Variants in SUPT3H observed in about 807,000 individuals in gnomAD.
The protein encoded by SUPT3H is SPT3 homolog, SAGA and STAGA complex component.
Under a neutral mutation model 44.3 loss-of-function variants are expected in SUPT3H, and 44 were observed. That is an observed-to-expected ratio of 0.99 (90% CI 0.78 to 1.28). The LOEUF (loss-of-function observed/expected upper bound fraction) is 1.28, where lower values mean the gene tolerates loss of function less well. SUPT3H is among the 50% of genes most tolerant of loss of function. The pLI, the probability that SUPT3H is intolerant of heterozygous loss-of-function variation, is 0.00. For missense variants in SUPT3H, 380 were observed against 387.1 expected, an observed-to-expected ratio of 0.98 and a Z score of 0.15; for synonymous variants, 124 against 125.6, an observed-to-expected ratio of 0.99 and a Z score of 0.09.
intron 6 of SUPT3H, among the ~76,000 whole-genome samples, chr6:44,968,030 T>C (rs1777012182): frequency 6.6e-6 from 1 of 152,148 alleles, no homozygotes; most frequent in Admixed American, 6.5e-5. Flanking sequence ...TGGCCTCAAG[T>C]GATCCTCCTG....
At chr6:45,175,257 A>G (rs1342897730) in intron 2 of SUPT3H, among the ~76,000 whole-genome samples, 1 of 152,146 alleles carries the variant, frequency 6.6e-6, no homozygotes, top group African/African-American at 2.4e-5. Flanking sequence ...CACTGCTACA[A>G]AAAACTGCCC....
intron 2 of SUPT3H, among the ~76,000 whole-genome samples, chr6:45,271,419 A>C (rs1046394252): frequency 6.6e-6 from 1 of 152,142 alleles, no homozygotes; most frequent in African/African-American, 2.4e-5. Context: ...GACATGACTA[A>C]AAGAGGCCAA....
intron 10 of SUPT3H, among the ~76,000 whole-genome samples, chr6:44,922,127 G>A (rs970516348): frequency 6.6e-6 from 1 of 151,382 alleles, no homozygotes; most frequent in African/African-American, 2.4e-5. Flanking sequence ...TTCTCTTCTC[G>A]CATCCTAGAG....
chr6:44,883,104 T>C (rs1778521797), intron 10 of SUPT3H, among the ~76,000 whole-genome samples: 1 of 152,180 alleles, frequency 6.6e-6, no homozygotes, highest in African/African-American at 2.4e-5. Flanking sequence ...TTGTCTCTGT[T>C]TGCAGGTGAC....
intron 3 of SUPT3H, among the ~76,000 whole-genome samples, chr6:45,026,332 T>C (rs917491441): frequency 6.6e-6 from 1 of 152,178 alleles, no homozygotes; most frequent in African/African-American, 2.4e-5. Context: ...CATCACTAAG[T>C]GATTGCACAA....
At chr6:45,043,679 GA>G (rs1391627045) in intron 3 of SUPT3H, among the ~76,000 whole-genome samples, 2 of 151,912 alleles carry the variant, frequency 1.3e-5, no homozygotes, top group Non-Finnish European at 2.9e-5. Flanking sequence ...TTCTACTATG[GA>G]AGACTATACA....
At chr6:45,369,256 C>T (rs1795646554) in intron 1 of SUPT3H, among the ~76,000 whole-genome samples, 1 of 151,938 alleles carries the variant, frequency 6.6e-6, no homozygotes, top group Admixed American at 6.6e-5. Context: ...AACCTTTACC[C>T]CTACAGTTCT....
rs553733063 is a variant in SUPT3H at position 45,274,807 on chromosome 6, C to T, written c.101+90394G>A. Among the ~76,000 whole-genome samples the T allele has an allele frequency of 3.3e-5, 5 of 152,154 alleles. No homozygotes were observed. The East Asian group carries it at 7.7e-4, about 23-fold the overall frequency. ...GCTGAGGTGGGAGCATCACCTGAGC[C>T]CAGGAGGTCGAGACTGCAGTGAGCC... On this transcript the variant is annotated intron_variant, in intron 2 of 10. Transcript: ENST00000371459.
At chr6:44,879,568 G>A (rs1420638282) in intron 10 of SUPT3H, among the ~76,000 whole-genome samples, 2 of 151,180 alleles carry the variant, frequency 1.3e-5, no homozygotes, top group African/African-American at 4.8e-5. Context: ...CACAGCACTC[G>A]AGCTCTGCCA....
chr6:45,073,208 C>A (rs1436736192), intron 3 of SUPT3H, among the ~76,000 whole-genome samples: 2 of 151,950 alleles, frequency 1.3e-5, no homozygotes, highest in Admixed American at 6.6e-5. Flanking sequence ...ATAACTCAAA[C>A]AATATAATGA....
chr6:44,989,984 A>C (rs1780376423), intron 6 of SUPT3H, among the ~76,000 whole-genome samples: 1 of 152,118 alleles, frequency 6.6e-6, no homozygotes, highest in Admixed American at 6.6e-5. Flanking sequence ...TTTGCCATGC[A>C]GAAGCTTTTT....
At chr6:45,167,994 A>G (rs1486460338) in intron 2 of SUPT3H, among the ~76,000 whole-genome samples, 1 of 151,976 alleles carries the variant, frequency 6.6e-6, no homozygotes, top group Non-Finnish European at 1.5e-5. Context: ...TATTTTTAGT[A>G]GAGACGGGGT....
chr6:44,950,611 A>T (rs1047306172), intron 9 of SUPT3H, among the ~76,000 whole-genome samples: 1 of 152,070 alleles, frequency 6.6e-6, no homozygotes, highest in Non-Finnish European at 1.5e-5. Flanking sequence ...CAACATAGAA[A>T]ATCTAGAAAG....
intron 2 of SUPT3H, among the ~76,000 whole-genome samples, chr6:45,337,182 CTT>C (rs1788742942): frequency 6.6e-6 from 1 of 151,660 alleles, no homozygotes; most frequent in African/African-American, 2.4e-5. Context: ...ATGCCAATGA[CTT>C]ACAGAATTTT....
chr6:45,317,461 T>C (rs1018945702), intron 2 of SUPT3H, among the ~76,000 whole-genome samples: 4 of 151,934 alleles, frequency 2.6e-5, no homozygotes, highest in African/African-American at 9.7e-5. Flanking sequence ...CAAGCTACAG[T>C]AATCAAAACA....
chr6:44,968,793 T>G (rs1009214720), intron 6 of SUPT3H, among the ~76,000 whole-genome samples: 1 of 152,170 alleles, frequency 6.6e-6, no homozygotes, highest in Non-Finnish European at 1.5e-5. Context: ...CTCTGACTCA[T>G]AAACAAATGG....
chr6:45,167,386 A>C (rs1810062889), intron 2 of SUPT3H, among the ~76,000 whole-genome samples: 1 of 152,200 alleles, frequency 6.6e-6, no homozygotes, highest in African/African-American at 2.4e-5. Flanking sequence ...ATGATAACTA[A>C]GCACTTATCT....
chr6:44,879,144 C>A (rs1777779463), intron 10 of SUPT3H, among the ~76,000 whole-genome samples: 1 of 152,180 alleles, frequency 6.6e-6, no homozygotes. Context: ...AAATCCCACC[C>A]CCATGGAGCC....
intron 2 of SUPT3H, among the ~76,000 whole-genome samples, chr6:45,148,040 G>A (rs999859003): frequency 6.6e-6 from 1 of 151,902 alleles, no homozygotes; most frequent in African/African-American, 2.4e-5. Context: ...CATCACTGCT[G>A]GTAGCAACTA....
Sources: gnomAD v4.1 joint callset for allele counts (sites outside exome capture counted in the v4.1 genomes callset) on GRCh38, gnomAD v4.1.1 for gene constraint, MANE v1.5 for transcripts, NCBI Gene and HGNC (gene_info 2026-07-23, HGNC 2026-07-21) for gene names.